Variants in GALNT17 observed in about 807,000 individuals in gnomAD.
GALNT17 encodes the protein UDP-GalNAc:polypeptide N-acetylgalactosaminyltransferase-like 3.
In GALNT17, 29 loss-of-function variants were observed where a neutral mutation model predicts 63.7. That is an observed-to-expected ratio of 0.46 (90% CI 0.34 to 0.62). The LOEUF is 0.62. GALNT17 is among the 20% of genes least tolerant of loss of function. GALNT17 has a pLI of 0.01. For synonymous variants in GALNT17, 305 were observed against 318.3 expected (o/e 0.96, Z 0.45); for missense variants, 603 against 799.6 (o/e 0.75, Z 2.97).
At chr7:71,369,049 A>G (rs1563040421) in intron 2 of GALNT17, among the ~76,000 whole-genome samples, 1 of 152,196 alleles carries the variant, frequency 6.6e-6, no homozygotes, top group Non-Finnish European at 1.5e-5. Context: ...ATTTTCAGCC[A>G]GGAATGAGAT....
chr7:71,532,892 C>A (rs775566414), intron 5 of GALNT17, among the ~76,000 whole-genome samples: 1 of 152,330 alleles, frequency 6.6e-6, no homozygotes, highest in East Asian at 1.9e-4. Flanking sequence ...ACCACCATTT[C>A]TCCTCATTTT....
intron 5 of GALNT17, among the ~76,000 whole-genome samples, chr7:71,460,236 A>G (rs1216993158): frequency 6.6e-6 from 1 of 152,170 alleles, no homozygotes; most frequent in Non-Finnish European, 1.5e-5. Flanking sequence ...AACTTAACAC[A>G]ACAATATGTC....
At position 71,693,309 on chromosome 7, in the gene GALNT17, C is replaced by CATATATATATATATAT. The variant is rs369668179; in HGVS notation, c.1500+16015_1500+16016insATATATATATATATAT. On this transcript the variant is annotated intron_variant, in intron 9 of 10. Coordinates refer to ENST00000333538, the MANE Select transcript of GALNT17 (RefSeq NM_022479.3). ...ACACACACACACACACACACACACA[C>CATATATATATATATAT]ATATATATATATGGAGACAAGACCA... 4.0e-5 allele frequency among the ~76,000 whole-genome samples: 5 copies of CATATATATATATATAT among 124,166 alleles called. 1 individual carries two copies. The highest frequency in any genetic ancestry group is 8.3e-5 in the Non-Finnish European group (5 of 60,540). The allele number at this position is 124,166 out of a possible 152,430, so 81.5% of individuals were successfully genotyped here.
chr7:71,427,355 T>G (rs1786778726), intron 5 of GALNT17, among the ~76,000 whole-genome samples: 1 of 151,912 alleles, frequency 6.6e-6, no homozygotes. Context: ...CTCAGCCCCC[T>G]AAAGTGCTGG....
rs772287530 is a variant in GALNT17, at chr7:71,677,214, C to T, written c.1408C>T (p.Arg470Cys). The part of the protein sequence containing the change: ...YNNTVAYGEL[R>C]NNKAKDVCLD... ...CGTGTTTTGTCTATTCTTGCAGCTTCGCAACAACAAGGCAAAAGACGTCTG... is the reference window on the plus strand; with the variant it reads ...CGTGTTTTGTCTATTCTTGCAGCTTTGCAACAACAAGGCAAAAGACGTCTG... Residue 470 changes from arginine to cysteine, a missense_variant, in exon 9 of 11, where the codon CGC becomes TGC. This residue lies in a region of GALNT17 where 336 missense variants were observed against 507.8 expected (regional missense o/e 0.66). Transcript: ENST00000333538. The T allele has an allele frequency of 9.9e-6, 16 of 1,613,750 alleles. No individual in the cohort carries two copies. The highest frequency in any genetic ancestry group is 1.3e-5 in the African/African-American group (1 of 74,908).
chr7:71,288,215 CAAAAAAA>C (rs59555320), intron 1 of GALNT17, among the ~76,000 whole-genome samples: 2 of 83,840 alleles, frequency 2.4e-5, no homozygotes, highest in East Asian at 3.3e-4. Context: ...GACTCCATCT[CAAAAAAA>C]AAAAAAAAAA....
At chr7:71,137,419 G>A (rs960238552) in intron 1 of GALNT17, among the ~76,000 whole-genome samples, 9 of 152,188 alleles carry the variant, frequency 5.9e-5, no homozygotes, top group Non-Finnish European at 1.0e-4. Flanking sequence ...GATTACAGGC[G>A]TGAGCCACCG....
chr7:71,247,503 T>TGC (rs1790120761), intron 1 of GALNT17, among the ~76,000 whole-genome samples: 1 of 152,136 alleles, frequency 6.6e-6, no homozygotes, highest in Non-Finnish European at 1.5e-5. Context: ...TCGCTCCCAC[T>TGC]GACAGTGCAG....
intron 1 of GALNT17, among the ~76,000 whole-genome samples, chr7:71,194,066 G>GA (rs1201163579): frequency 2.0e-5 from 3 of 152,052 alleles, no homozygotes; most frequent in Admixed American, 2.0e-4. Context: ...TTATTTTTGA[G>GA]ACAGGGTCTT....
chr7:71,446,666 G>C (rs1324962928), intron 5 of GALNT17, among the ~76,000 whole-genome samples: 1 of 152,016 alleles, frequency 6.6e-6, no homozygotes, highest in East Asian at 1.9e-4. Flanking sequence ...CTTCTGCTTC[G>C]ACCTCCAGAG....
chr7:71,378,830 AT>A (rs201247722), intron 2 of GALNT17, among the ~76,000 whole-genome samples: 89 of 151,758 alleles, frequency 5.9e-4, no homozygotes, highest in African/African-American at 1.9e-3. Flanking sequence ...CAAAAAAAAA[AT>A]AAATAAATAA....
Position 71,687,210 on chromosome 7 carries a change from A to G in GALNT17, c.1500+9904A>G, listed in dbSNP as rs558618324. Among the ~76,000 whole-genome samples the G allele has an allele frequency of 1.5e-4, 23 of 152,262 alleles. 1 individual carries two copies. In the South Asian group the frequency reaches 4.4e-3, roughly 29 times the overall value. On this transcript the variant is annotated intron_variant, in intron 9 of 10. Transcript: ENST00000333538. ...CGTTTCTTCTCTCAGTTAATTCATC[A>G]CCAAAATGACAGATGAGATTCTTTT...
intron 9 of GALNT17, among the ~76,000 whole-genome samples, chr7:71,708,475 G>A (rs936170140): frequency 6.6e-6 from 1 of 152,148 alleles, no homozygotes; most frequent in African/African-American, 2.4e-5. Flanking sequence ...CACAACACAT[G>A]AGGATTATGG....
Position 71,423,555 on chromosome 7 carries a change from G to A in GALNT17, c.962+2450G>A, listed in dbSNP as rs150594361. On this transcript the variant is annotated intron_variant, in intron 5 of 10. Transcript: ENST00000333538. ...GATAGCACGATGGAATAATGAAGTA[G>A]GGATGAAGACTTTTTACAGATAATC... is the stretch of plus-strand genomic sequence containing the variant. Among the ~76,000 whole-genome samples, 29 of 152,230 alleles carry A rather than the reference G, an allele frequency of 1.9e-4. No homozygotes were observed. In the East Asian group the frequency reaches 5.4e-3, roughly 28 times the overall value.
At chr7:71,701,808 TATATATACACATATATATAC>T (rs71089985) in intron 9 of GALNT17, among the ~76,000 whole-genome samples, 52,357 of 101,080 alleles carry the variant, frequency 0.52, 12,554 homozygotes, top group Middle Eastern at 0.66. Flanking sequence ...TGTGTGTATA[TATATATACACATATATATAC>T]ACATATATAT....
intron 5 of GALNT17, among the ~76,000 whole-genome samples, chr7:71,520,990 A>G (rs996576997): frequency 6.6e-6 from 1 of 152,186 alleles, no homozygotes; most frequent in Non-Finnish European, 1.5e-5. Context: ...AGACACTGTC[A>G]GAAGTGCAAA....
intron 5 of GALNT17, among the ~76,000 whole-genome samples, chr7:71,474,402 A>G (rs547994621): frequency 6.5e-4 from 99 of 152,146 alleles, no homozygotes; most frequent in Middle Eastern, 3.4e-3. Flanking sequence ...TCTCAGCCTT[A>G]TTTTACCCAG....
intron 9 of GALNT17, among the ~76,000 whole-genome samples, chr7:71,681,972 G>A (rs1418487005): frequency 6.6e-6 from 1 of 152,028 alleles, no homozygotes; most frequent in Non-Finnish European, 1.5e-5. Flanking sequence ...TGTCACCCAG[G>A]CTGGAGTGCA....
At position 71,408,761 on chromosome 7, in the gene GALNT17, T is replaced by C. The variant is rs538654167; in HGVS notation, c.590-7128T>C. 5.9e-5 allele frequency among the ~76,000 whole-genome samples: 9 copies of C among 152,052 alleles called. No individual in the cohort carries two copies. The South Asian group carries it at 1.9e-3, about 32-fold the overall frequency. Reference sequence around the variant, plus strand: ...GGTGGTGTGTGCAGGTAGTTCCAGGTACTCAGGAGGCTGAGGCAGGAGGAT... The same window carrying C: ...GGTGGTGTGTGCAGGTAGTTCCAGGCACTCAGGAGGCTGAGGCAGGAGGAT... On this transcript the variant is annotated intron_variant, in intron 3 of 10. Coordinates refer to ENST00000333538, the MANE Select transcript of GALNT17 (RefSeq NM_022479.3).
Sources: gnomAD v4.1 joint callset for allele counts (sites outside exome capture counted in the v4.1 genomes callset) on GRCh38, gnomAD v4.1.1 for gene constraint, gnomAD v4.1.1 regional missense constraint, MANE v1.5 for transcripts, NCBI Gene and HGNC (gene_info 2026-07-23, HGNC 2026-07-21) for gene names.